RMDN2: variants seen among roughly 807,000 people sequenced by gnomAD.
RMDN2 encodes regulator of microtubule dynamics protein 2.
Under a neutral mutation model 52.8 loss-of-function variants are expected in RMDN2, and 61 were observed. That is an observed-to-expected ratio of 1.16 (90% CI 0.94 to 1.43). RMDN2 has a LOEUF of 1.43. Among genes scored for constraint, RMDN2 ranks in the 40% most tolerant of loss-of-function variants. RMDN2 has a pLI of 0.00. For synonymous variants in RMDN2, 180 were observed against 153.1 expected (o/e 1.18, Z -1.30); for missense variants, 592 against 475.3 (o/e 1.25, Z -2.28).
Position 38,017,578 on chromosome 2 carries a change from A to G in RMDN2, c.*339A>G. ...TGAATATTTTATTGTTTCAATGGAGACTTCGTAAGACAAAATAATTTCATT... is the reference window on the plus strand; with the variant it reads ...TGAATATTTTATTGTTTCAATGGAGGCTTCGTAAGACAAAATAATTTCATT... On this transcript the variant is annotated 3_prime_UTR_variant, in exon 11 of 11. Coordinates refer to ENST00000354545, the MANE Select transcript of RMDN2 (RefSeq NM_001170791.3). 8.2e-7 allele frequency: 1 copy of G among 1,225,662 alleles called. No homozygotes were observed. The highest frequency in any genetic ancestry group is 1.1e-6 in the Non-Finnish European group (1 of 930,176). The allele number at this position is 1,225,662 out of a possible 1,614,324, so 75.9% of individuals were successfully genotyped here. A position where few individuals can be genotyped will look rare whatever the true frequency, so the allele number is the denominator to read the frequency against.
chr2:38,017,813 A>G (rs902362331), downstream of RMDN2: 1 of 235,676 alleles, frequency 4.2e-6, no homozygotes, highest in East Asian at 1.5e-4. Flanking sequence ...AGGCTATTTC[A>G]TCTGGGTGCA....
intron 5 of RMDN2, among the ~76,000 whole-genome samples, chr2:37,987,444 G>A (rs1674173497): frequency 6.6e-6 from 1 of 152,038 alleles, no homozygotes; most frequent in Non-Finnish European, 1.5e-5. Flanking sequence ...ATCTGAAAAG[G>A]CAATATACTA....
chr2:37,968,999 T>A (rs142069101), intron 2 of RMDN2, among the ~76,000 whole-genome samples: 2 of 151,976 alleles, frequency 1.3e-5, no homozygotes, highest in South Asian at 2.1e-4. Flanking sequence ...AAATAGAAGA[T>A]CCCTGTTCAA....
Position 38,017,562 on chromosome 2 carries a change from T to G in RMDN2, c.*323T>G. ...ATAAAATGAATTCTCATGAATATTTTATTGTTTCAATGGAGACTTCGTAAG... is the reference window on the plus strand; with the variant it reads ...ATAAAATGAATTCTCATGAATATTTGATTGTTTCAATGGAGACTTCGTAAG... On this transcript the variant is annotated 3_prime_UTR_variant, in exon 11 of 11. Coordinates refer to ENST00000354545, the MANE Select transcript of RMDN2 (RefSeq NM_001170791.3). 8.3e-7 allele frequency: 1 copy of G among 1,202,882 alleles called. No individual in the cohort carries two copies. The highest frequency in any genetic ancestry group is 1.1e-6 in the Non-Finnish European group (1 of 913,368). The allele number at this position is 1,202,882 out of a possible 1,614,324, so 74.5% of individuals were successfully genotyped here.
At chr2:38,028,199 A>T (rs1417007477) in intron 10 of RMDN2, 1 of 152,258 alleles carries the variant, frequency 6.6e-6, no homozygotes, top group Non-Finnish European at 1.5e-5. Context: ...AAGAAAAAGA[A>T]TACAAAATTA....
upstream of RMDN2, among the ~76,000 whole-genome samples, chr2:37,924,245 GAGAA>G (rs201141413): frequency 2.6e-3 from 391 of 152,328 alleles, 4 homozygotes; most frequent in East Asian, 0.032. Flanking sequence ...TTGCTGTTTT[GAGAA>G]AGAGTGTACC....
At chr2:37,965,739 T>C (rs1670954977) in intron 2 of RMDN2, among the ~76,000 whole-genome samples, 4 of 152,210 alleles carry the variant, frequency 2.6e-5, no homozygotes, top group African/African-American at 4.8e-5. Context: ...CAAGTGACTG[T>C]CTAAGGTCCT....
intron 7 of RMDN2, among the ~76,000 whole-genome samples, chr2:37,996,805 A>G (rs1173415822): frequency 1.3e-5 from 2 of 152,078 alleles, no homozygotes; most frequent in African/African-American, 4.8e-5. Flanking sequence ...AGAAAGCAAA[A>G]AAATCAGTGG....
intron 10 of RMDN2, among the ~76,000 whole-genome samples, chr2:38,063,881 T>C (rs1682157728): frequency 6.6e-6 from 1 of 152,326 alleles, no homozygotes; most frequent in African/African-American, 2.4e-5. Context: ...TTAGCCACTA[T>C]GATAGGTTTG....
chr2:38,011,147 A>G (rs1428375910), intron 10 of RMDN2, among the ~76,000 whole-genome samples: 2 of 152,220 alleles, frequency 1.3e-5, no homozygotes, highest in African/African-American at 4.8e-5. Flanking sequence ...ATGGGTTGCC[A>G]TCCTCAGTCC....
chr2:38,066,056 C>A (rs1682265401), intron 10 of RMDN2, among the ~76,000 whole-genome samples: 1 of 152,142 alleles, frequency 6.6e-6, no homozygotes, highest in Non-Finnish European at 1.5e-5. Context: ...AACTAGGGTA[C>A]AAAGATAATG....
chr2:37,935,541 A>G (rs1667213957), intron 2 of RMDN2, among the ~76,000 whole-genome samples: 1 of 152,212 alleles, frequency 6.6e-6, no homozygotes, highest in African/African-American at 2.4e-5. Flanking sequence ...TCTTTTAAAA[A>G]ATGAAACATC....
chr2:37,943,406 C>T (rs1048898039), intron 2 of RMDN2, among the ~76,000 whole-genome samples: 2 of 152,162 alleles, frequency 1.3e-5, no homozygotes, highest in Non-Finnish European at 2.9e-5. Context: ...TCTTTCTGAT[C>T]CAAGCAGGAA....
At chr2:37,987,167 C>A (rs1443666233) in intron 5 of RMDN2, among the ~76,000 whole-genome samples, 1 of 152,016 alleles carries the variant, frequency 6.6e-6, no homozygotes, top group Non-Finnish European at 1.5e-5. Flanking sequence ...TTCCTCTATA[C>A]CAGCAATGAA....
At position 38,004,025 on chromosome 2, in the gene RMDN2, A is replaced by G; in HGVS notation, c.1079A>G (p.Asn360Ser). The G allele has an allele frequency of 6.2e-7, 1 of 1,613,460 alleles. No homozygotes were observed. The highest frequency in any genetic ancestry group is 1.3e-5 in the African/African-American group (1 of 75,042). ...CTATGCCCTGGTTATTCTAATCCCA[A>G]TTACATGTACTTAGCAAAGGTAATG... ...EELCPGYSNPNYMYLAKCYTD... is the reference protein window; with the variant it reads ...EELCPGYSNPSYMYLAKCYTD... The change falls in exon 9 of 11, where the codon AAT (asparagine) becomes AGT (serine). Residue 360 changes from asparagine to serine, a missense_variant. Transcript: ENST00000354545.
At chr2:38,065,427 A>G (rs994407274) in intron 10 of RMDN2, among the ~76,000 whole-genome samples, 6 of 152,176 alleles carry the variant, frequency 3.9e-5, no homozygotes, top group African/African-American at 1.4e-4. Flanking sequence ...GGCTTGCTCA[A>G]TGACTCTTAG....
chr2:37,958,563 T>A (rs1276752063), intron 2 of RMDN2, among the ~76,000 whole-genome samples: 1 of 150,970 alleles, frequency 6.6e-6, no homozygotes, highest in Non-Finnish European at 1.5e-5. Flanking sequence ...TTTCTAAATA[T>A]ACAATTATGA....
At chr2:37,951,854 A>G (rs199847199) in intron 2 of RMDN2, 57 of 1,613,604 alleles carry the variant, frequency 3.5e-5, no homozygotes, top group Non-Finnish European at 4.7e-5. Context: ...AAAGCACATC[A>G]TCCTTCTTTT....
chr2:37,984,271 T>C (rs879772860), intron 5 of RMDN2, among the ~76,000 whole-genome samples: 5 of 152,326 alleles, frequency 3.3e-5, no homozygotes, highest in African/African-American at 4.8e-5. Flanking sequence ...ACTCCTGGAA[T>C]CAAGAGAATG....
Sources: gnomAD v4.1 joint callset for allele counts (sites outside exome capture counted in the v4.1 genomes callset) on GRCh38, gnomAD v4.1.1 for gene constraint, MANE v1.5 for transcripts, NCBI Gene and HGNC (gene_info 2026-07-23, HGNC 2026-07-21) for gene names.